The following CACNA1I variants were observed in gnomAD, a reference collection of about 807,000 sequenced individuals.
CACNA1I encodes voltage-dependent T-type calcium channel subunit alpha-1I.
CACNA1I carries 74 observed loss-of-function variants against 201.6 expected under a neutral mutation model. The observed-to-expected ratio is 0.37, with a 90% CI of 0.30 to 0.45. The LOEUF (loss-of-function observed/expected upper bound fraction) is 0.45. CACNA1I is among the 20% of genes least tolerant of loss of function. The probability of loss-of-function intolerance (pLI) is 1.00; values close to 1 mark genes in which losing one functional copy is unlikely to be tolerated. For missense variants in CACNA1I, 2,346 were observed against 3,138.1 expected (o/e 0.75, Z 6.03); for synonymous variants, 1,431 against 1,345.2 (o/e 1.06, Z -1.40).
chr22:39,677,304 T>A lies in CACNA1I; in HGVS notation c.4855-37T>A, dbSNP rs1274232509. ...CCAGGCCTGGTGCGCCCCCACCCGCTCCCCAGCCCCACCCGGCCTCACCTG... is the reference window on the plus strand; with the variant it reads ...CCAGGCCTGGTGCGCCCCCACCCGCACCCCAGCCCCACCCGGCCTCACCTG... On this transcript the variant is annotated intron_variant, in intron 29 of 36. Coordinates refer to ENST00000402142, the MANE Select transcript of CACNA1I (RefSeq NM_021096.4). This position sits in a 1 kb window ranked among gnomAD's most constrained non-coding sequence, Gnocchi z 4.8. The A allele has an allele frequency of 4.3e-6, 6 of 1,403,604 alleles. No homozygotes were observed. The highest frequency in any genetic ancestry group is 4.9e-6 in the Non-Finnish European group (5 of 1,020,490). 86.9% of individuals were successfully genotyped at this position (1,403,604 alleles called of 1,614,324 possible). A position where few individuals can be genotyped will look rare whatever the true frequency, so the allele number is the denominator to read the frequency against.
In CACNA1I at chr22:39,651,566, G is replaced by C. The variant is rs192339535; in HGVS notation, c.1992+1641G>C. On this transcript the variant is annotated intron_variant, in intron 10 of 36. Coordinates refer to ENST00000402142, the MANE Select transcript of CACNA1I (RefSeq NM_021096.4). ...GTCAGTGCCTGACCCAGGCCTGCAG[G>C]GGAGCAGCATTCCTGCAGAAAGCCC... is the stretch of plus-strand genomic sequence containing the variant. Among the ~76,000 whole-genome samples, 196 of 152,286 alleles carry C rather than the reference G, an allele frequency of 1.3e-3. 2 individuals carry two copies. The highest frequency in any genetic ancestry group is 4.7e-3 in the African/African-American group (194 of 41,568).
Position 39,665,931 on chromosome 22 carries a change from C to T in CACNA1I, c.4029C>T (p.Ile1343=), listed in dbSNP as rs893255843. 38 of 1,613,750 alleles carry T rather than the reference C, an allele frequency of 2.4e-5. No individual in the cohort carries two copies. Among genetic ancestry groups the T allele is most frequent in the African/African-American group, 5.3e-5 (4 of 74,934 alleles). ...GTCTGGGCGTGGACACCCGCAACAT[C>T]ACCAACCGCTCGGACTGCATGGCCG... is the stretch of plus-strand genomic sequence containing the variant. ...YHCLGVDTRN[I]TNRSDCMAAN... Residue 1343 remains isoleucine (I), a synonymous_variant, in exon 23 of 37, where the codon ATC becomes ATT. Coordinates refer to ENST00000402142, the MANE Select transcript of CACNA1I (RefSeq NM_021096.4). The surrounding 1 kb of genome is among the most constrained non-coding windows in gnomAD (Gnocchi z 5.5).
Position 39,686,145 on chromosome 22 carries a change from C to A in CACNA1I, c.6412C>A (p.Pro2138Thr). ...SSLSLTSLFC[P>T]PPPPPAPGLT... The stretch of plus-strand genomic sequence containing the variant: ...CCTCTCGCTCACCTCCCTCTTCTGC[C>A]CGCCGCCCCCGCCGCCAGCCCCCGG... Residue 2138 changes from proline to threonine, a missense_variant, in exon 37 of 37, where the codon CCG becomes ACG. Pro to Thr is a conservative substitution (Grantham distance 38). Transcript: ENST00000402142. The A allele has an allele frequency of 1.6e-6, 2 of 1,273,876 alleles. No homozygotes were observed. The highest frequency in any genetic ancestry group is 9.9e-7 in the Non-Finnish European group (1 of 1,011,258). 78.9% of individuals were successfully genotyped at this position (1,273,876 alleles called of 1,614,324 possible). A position where few individuals can be genotyped will look rare whatever the true frequency, so the allele number is the denominator to read the frequency against.
chr22:39,600,431 G>A, intron 2 of CACNA1I, 89 bp from the exon 3 acceptor site: 2 of 1,089,030 alleles, frequency 1.8e-6, no homozygotes, highest in Non-Finnish European at 1.4e-6. Flanking sequence ...CATCCATGTG[G>A]TGTCCCCACC....
In CACNA1I at chr22:39,662,025, C is replaced by T. The variant is rs1413389998; in HGVS notation, c.2962C>T (p.Arg988Cys). Reference sequence around the variant, plus strand: ...CCGCAGCGCGGCCTGGGCCAGCCGTCGCTCCAGCTGGAACAGCCTCAAGCA... The same window carrying T: ...CCGCAGCGCGGCCTGGGCCAGCCGTTGCTCCAGCTGGAACAGCCTCAAGCA... ...WGRSAAWASR[R>C]SSWNSLKHKP... The change falls in exon 17 of 37, where the codon CGC becomes TGC. Residue 988 changes from arginine to cysteine, a missense_variant. Arg to Cys is a radical substitution (Grantham distance 180). This residue lies in a region of CACNA1I where 288 missense variants were observed against 255.2 expected (regional missense o/e 1.13). Coordinates refer to ENST00000402142, the MANE Select transcript of CACNA1I (RefSeq NM_021096.4). 6.4e-6 allele frequency: 10 copies of T among 1,566,578 alleles called. No individual in the cohort carries two copies. The highest frequency in any genetic ancestry group is 1.7e-4 in the Middle Eastern group (1 of 5,898).
intron 20 of CACNA1I, 147 bp downstream of exon 20, chr22:39,664,306 G>C (rs1047481778): frequency 1.5e-6 from 1 of 659,088 alleles, no homozygotes; most frequent in Non-Finnish European, 2.6e-6. Flanking sequence ...TGCCAGCCCC[G>C]GGGCTGGGCT....
chr22:39,628,719 C>T (rs1933965326), intron 4 of CACNA1I, among the ~76,000 whole-genome samples: 3 of 152,100 alleles, frequency 2.0e-5, no homozygotes, highest in South Asian at 2.1e-4. Context: ...TAGTTGGCGC[C>T]GGCAATGGCA....
chr22:39,669,571 A>G (rs75701188), intron 24 of CACNA1I, among the ~76,000 whole-genome samples: 1,478 of 138,606 alleles, frequency 0.011, 15 homozygotes, highest in Non-Finnish European at 0.014. Context: ...ATGGGTGGGT[A>G]GATAAATGAA....
intron 1 of CACNA1I, among the ~76,000 whole-genome samples, chr22:39,579,076 G>A (rs1249718824): frequency 6.6e-6 from 1 of 152,150 alleles, no homozygotes; most frequent in Non-Finnish European, 1.5e-5. Flanking sequence ...TGCTAGCTTT[G>A]TCCCCTGCAC....
Position 39,665,785 on chromosome 22 carries a change from CACAAG to C in CACNA1I, c.3979-92_3979-88del. On this transcript the variant is annotated intron_variant, in intron 22 of 36. Transcript: ENST00000402142. The surrounding 1 kb of genome is among the most constrained non-coding windows in gnomAD (Gnocchi z 5.5). The stretch of plus-strand genomic sequence containing the variant: ...ACAGACATGGGCCCAGATGACTGAG[CACAAG>C]ACAGTCTGAGTAAACGCGATCGAGA... The C allele has an allele frequency of 1.3e-6, 2 of 1,569,592 alleles. No individual in the cohort carries two copies. The highest frequency in any genetic ancestry group is 1.7e-6 in the Non-Finnish European group (2 of 1,145,886).
chr22:39,626,103 C>T (rs548800328), intron 4 of CACNA1I, among the ~76,000 whole-genome samples: 3 of 152,324 alleles, frequency 2.0e-5, no homozygotes, highest in African/African-American at 4.8e-5. Flanking sequence ...ATCCCCTCGG[C>T]TGCACAACCA....
At chr22:39,670,308 C>G in intron 25 of CACNA1I, 78 bp downstream of exon 25, 1 of 1,439,352 alleles carries the variant, frequency 6.9e-7, no homozygotes, top group Non-Finnish European at 9.4e-7. Flanking sequence ...GCCTCCTGAG[C>G]CTTTGGAGCT....
In CACNA1I at chr22:39,686,416, G is replaced by A; in HGVS notation, c.*11G>A. 8.1e-7 allele frequency: 1 copy of A among 1,229,436 alleles called. No homozygotes were observed. Among genetic ancestry groups the A allele is most frequent in the East Asian group, 3.4e-5 (1 of 29,566 alleles). 76.2% of individuals were successfully genotyped at this position (1,229,436 alleles called of 1,614,324 possible). A position where few individuals can be genotyped will look rare whatever the true frequency, so the allele number is the denominator to read the frequency against. On this transcript the variant is annotated 3_prime_UTR_variant, in exon 37 of 37. Transcript: ENST00000402142. ...AAGAGGAAGAGATGAGGGTCGCAGG[G>A]GCCCCCGGCCGCCCACCGCCCGCCC...
At chr22:39,606,279 CAAA>C (rs910820373) in intron 3 of CACNA1I, among the ~76,000 whole-genome samples, 11 of 152,286 alleles carry the variant, frequency 7.2e-5, no homozygotes, top group African/African-American at 2.6e-4. Flanking sequence ...GTTCACTCTC[CAAA>C]CCAGGTCTCT....
Position 39,678,099 on chromosome 22 carries a change from G to A in CACNA1I, c.5046G>A (p.Gly1682=). ...TCTCCACGGGTGACAACTGGAACGG[G>A]ATCATGAAGGTACTCCTGGGCGGGC... ...FQVSTGDNWN[G]IMKDTLRDCT... is the part of the protein sequence containing the mutation. The change falls in exon 31 of 37, where the codon GGG becomes GGA. Residue 1682 remains glycine, a synonymous_variant. Transcript: ENST00000402142. 1 of 1,611,828 alleles carries A rather than the reference G, an allele frequency of 6.2e-7. No individual in the cohort carries two copies. Among genetic ancestry groups the A allele is most frequent in the Non-Finnish European group, 8.5e-7 (1 of 1,179,002 alleles).
At position 39,673,987 on chromosome 22, in the gene CACNA1I, C is replaced by T; in HGVS notation, c.4808C>T (p.Thr1603Ile). The change falls in exon 29 of 37, where the codon ACA becomes ATA. Residue 1603 changes from threonine to isoleucine, a missense_variant. Coordinates refer to ENST00000402142, the MANE Select transcript of CACNA1I (RefSeq NM_021096.4). ...ARVLKLLKMA[T>I]GMRALLDTVV... is the part of the protein sequence containing the mutation. ...GTGCTGAAGCTGTTGAAGATGGCCACAGGAATGCGGGCCCTGCTGGACACG... is the reference window on the plus strand; with the variant it reads ...GTGCTGAAGCTGTTGAAGATGGCCATAGGAATGCGGGCCCTGCTGGACACG... 1 of 1,613,396 alleles carries T rather than the reference C, an allele frequency of 6.2e-7. No individual in the cohort carries two copies. The highest frequency in any genetic ancestry group is 8.5e-7 in the Non-Finnish European group (1 of 1,179,872).
chr22:39,600,956 T>C (rs1471950544), intron 3 of CACNA1I, among the ~76,000 whole-genome samples: 1 of 152,150 alleles, frequency 6.6e-6, no homozygotes, highest in Non-Finnish European at 1.5e-5. Flanking sequence ...GGAATAATAA[T>C]AGTAGCTGCG....
chr22:39,679,973 G>A, intron 33 of CACNA1I, 105 bp downstream of exon 33: 2 of 1,228,556 alleles, frequency 1.6e-6, no homozygotes, highest in Non-Finnish European at 2.2e-6. Flanking sequence ...TAGAGACCAG[G>A]CTGGGTCAAC....
Position 39,666,156 on chromosome 22 carries a change from T to A in CACNA1I, c.4104+150T>A. 9.8e-7 allele frequency: 1 copy of A among 1,015,672 alleles called. No homozygotes were observed. The highest frequency in any genetic ancestry group is 1.5e-6 in the Non-Finnish European group (1 of 688,492). The allele number at this position is 1,015,672 out of a possible 1,614,324, so 62.9% of individuals were successfully genotyped here. A position where few individuals can be genotyped will look rare whatever the true frequency, so the allele number is the denominator to read the frequency against. On this transcript the variant is annotated intron_variant, in intron 23 of 36. Coordinates refer to ENST00000402142, the MANE Select transcript of CACNA1I (RefSeq NM_021096.4). The surrounding 1 kb of genome is among the most constrained non-coding windows in gnomAD (Gnocchi z 4.1). The stretch of plus-strand genomic sequence containing the variant: ...TCAGTTTCCTCTTCTGCAAAATGGG[T>A]AAGGGTAGCACTCACCTCTCAGGTG...
Sources: allele counts gnomAD v4.1 joint callset (sites outside exome capture counted in the v4.1 genomes callset), GRCh38; gene constraint gnomAD v4.1.1; regional missense constraint gnomAD v4.1.1; non-coding constraint Gnocchi (gnomAD v3.1); transcripts MANE v1.5; gene names NCBI Gene and HGNC (gene_info 2026-07-23, HGNC 2026-07-21).